The following SYBU variants were observed in gnomAD, a reference collection of about 807,000 sequenced individuals.
SYBU encodes the protein GOLSYN A protein.
SYBU carries 21 observed loss-of-function variants against 35.9 expected under a neutral mutation model. The ratio of observed to expected loss-of-function variants is 0.58; its 90% CI spans 0.41 to 0.84. SYBU has a LOEUF of 0.84. SYBU is among the 40% of genes least tolerant of loss of function. The pLI is 0.00. For missense variants in SYBU, 768 were observed against 848.2 expected, an observed-to-expected ratio of 0.91 and a Z score of 1.17; for synonymous variants, 319 against 324.3, an observed-to-expected ratio of 0.98 and a Z score of 0.18.
rs558733192 is a variant in SYBU, at chr8:109,617,168, A to T, written c.427+1674T>A. Among the ~76,000 whole-genome samples the T allele has an allele frequency of 3.9e-5, 6 of 152,334 alleles. No homozygotes were observed. In the South Asian group the frequency reaches 1.2e-3, roughly 32 times the overall value. On this transcript the variant is annotated intron_variant, in intron 3 of 6. Coordinates refer to ENST00000276646, the MANE Select transcript of SYBU (RefSeq NM_001099754.2). ...AATACAATAAAATAAAAACGTATGA[A>T]GTACTGATGTACACCACATGGGTGA...
chr8:109,602,429 A>ATTTTTTTTT (rs751669435), intron 3 of SYBU, among the ~76,000 whole-genome samples: 1 of 132,664 alleles, frequency 7.5e-6, no homozygotes, highest in African/African-American at 2.9e-5. Context: ...CCTCTGTGTA[A>ATTTTTTTTT]TTTTTTTTTT....
chr8:109,684,909 T>C (rs1817485214), upstream of SYBU, among the ~76,000 whole-genome samples: 1 of 152,150 alleles, frequency 6.6e-6, no homozygotes, highest in Non-Finnish European at 1.5e-5. Context: ...CTACTGTTAA[T>C]TAGAAAAGCA....
intron 4 of SYBU, chr8:109,580,355 A>T (rs191312581): frequency 9.4e-6 from 2 of 212,948 alleles, no homozygotes; most frequent in African/African-American, 4.6e-5. Flanking sequence ...TTTTCAAGAT[A>T]TGGTTTTTGT....
intron 3 of SYBU, among the ~76,000 whole-genome samples, chr8:109,606,296 T>C (rs1281084985): frequency 1.3e-5 from 2 of 152,240 alleles, no homozygotes; most frequent in African/African-American, 4.8e-5. Context: ...ATAACGTTTA[T>C]AGTAATCACA....
chr8:109,598,075 G>A (rs1336187102), intron 3 of SYBU, among the ~76,000 whole-genome samples: 2 of 152,174 alleles, frequency 1.3e-5, no homozygotes, highest in African/African-American at 4.8e-5. Flanking sequence ...GTGAGACCCA[G>A]TAATATATGT....
chr8:109,623,501 T>C (rs1346194320), intron 2 of SYBU, among the ~76,000 whole-genome samples: 1 of 152,150 alleles, frequency 6.6e-6, no homozygotes, highest in African/African-American at 2.4e-5. Context: ...ATGGAATAGT[T>C]TCCAGATTGT....
intron 1 of SYBU, among the ~76,000 whole-genome samples, chr8:109,651,129 C>T (rs1563765679): frequency 6.6e-6 from 1 of 152,184 alleles, no homozygotes; most frequent in Non-Finnish European, 1.5e-5. Context: ...CTGCTGGAAG[C>T]CTAGAAGTTT....
upstream of SYBU, among the ~76,000 whole-genome samples, chr8:109,684,030 C>A (rs1322949777): frequency 6.6e-6 from 1 of 152,198 alleles, no homozygotes; most frequent in Non-Finnish European, 1.5e-5. Context: ...ATTACCCAGT[C>A]TCAGATATGT....
intron 1 of SYBU, among the ~76,000 whole-genome samples, chr8:109,650,181 A>C (rs1286625199): frequency 6.6e-6 from 1 of 152,144 alleles, no homozygotes; most frequent in Non-Finnish European, 1.5e-5. Flanking sequence ...TTCACTCAGC[A>C]TCCATAGCAG....
chr8:109,575,937 C>G lies in SYBU; in HGVS notation c.961G>C (p.Val321Leu). The G allele has an allele frequency of 6.2e-7, 1 of 1,613,268 alleles. No individual in the cohort carries two copies. Among genetic ancestry groups the G allele is most frequent in the Non-Finnish European group, 8.5e-7 (1 of 1,179,978 alleles). The stretch of plus-strand genomic sequence containing the variant: ...TCTTTGAGTGCCAACTGGGCCTCTA[C>G]CCGGTGACACTCCTCCTCAATCCAG... ...EDWIEEECHR[V>L]EAQLALKEAR... is the part of the protein sequence containing the mutation. The change falls in exon 7 of 7, where the codon GTA becomes CTA. Residue 321 changes from valine (V) to leucine (L), a missense_variant. By Grantham distance (32) the Val-to-Leu change is conservative. Coordinates refer to ENST00000276646, the MANE Select transcript of SYBU (RefSeq NM_001099754.2).
intron 2 of SYBU, among the ~76,000 whole-genome samples, chr8:109,629,604 T>C (rs948672207): frequency 3.3e-5 from 5 of 152,188 alleles, no homozygotes; most frequent in African/African-American, 1.2e-4. Flanking sequence ...GCAATAAACA[T>C]ACGTGTGCAT....
At chr8:109,643,948 A>C (rs1304410804) in intron 1 of SYBU, among the ~76,000 whole-genome samples, 1 of 152,020 alleles carries the variant, frequency 6.6e-6, no homozygotes, top group Non-Finnish European at 1.5e-5. Context: ...GTTTTGCAAA[A>C]ATTCCACTGC....
Position 109,575,332 on chromosome 8 carries a change from A to T in SYBU, c.1566T>A (p.Asp522Glu). ...TCTCCATCGAGTCTGGTTCAGACTC[A>T]TCAGGGGACGCCAAGCTCGAGGGAC... ...DPCPSSLASP[D>E]ESEPDSMESF... Residue 522 changes from aspartate to glutamate, a missense_variant, in exon 7 of 7, where the codon GAT becomes GAA. Physicochemically the swap from Asp to Glu is conservative, Grantham distance 45. Transcript: ENST00000276646. The T allele has an allele frequency of 6.2e-7, 1 of 1,614,228 alleles. No homozygotes were observed. Among genetic ancestry groups the T allele is most frequent in the Non-Finnish European group, 8.5e-7 (1 of 1,180,032 alleles).
At chr8:109,666,618 G>T (rs1816762632) in intron 1 of SYBU, among the ~76,000 whole-genome samples, 1 of 152,124 alleles carries the variant, frequency 6.6e-6, no homozygotes, top group South Asian at 2.1e-4. Flanking sequence ...ATGCATGCCT[G>T]TAATCCTTGC....
chr8:109,589,731 C>T (rs925231792), intron 3 of SYBU, among the ~76,000 whole-genome samples: 2 of 152,262 alleles, frequency 1.3e-5, no homozygotes, highest in African/African-American at 2.4e-5. Context: ...AAAAAGAATA[C>T]GTGCCCAAAC....
chr8:109,627,555 G>T (rs976455808), intron 2 of SYBU, among the ~76,000 whole-genome samples: 2 of 152,164 alleles, frequency 1.3e-5, no homozygotes, highest in Non-Finnish European at 2.9e-5. Flanking sequence ...GCTCAGAGAG[G>T]TTAAAAATTT....
At chr8:109,650,096 G>A (rs372203933) in intron 1 of SYBU, among the ~76,000 whole-genome samples, 1 of 152,098 alleles carries the variant, frequency 6.6e-6, no homozygotes. Flanking sequence ...AACCCAGGAG[G>A]GCAGCTATAG....
chr8:109,678,850 A>G (rs1817299395), intron 1 of SYBU, among the ~76,000 whole-genome samples: 1 of 152,192 alleles, frequency 6.6e-6, no homozygotes, highest in South Asian at 2.1e-4. Context: ...TGATGCATGG[A>G]GCCCACCATG....
At chr8:109,647,447 TC>T (rs1484539760), upstream of SYBU, 2 of 152,190 alleles carry the variant, frequency 1.3e-5, no homozygotes, top group African/African-American at 4.8e-5. Context: ...CCAGGAAACC[TC>T]CCCTGATGAT....
Sources: gnomAD v4.1 joint callset for allele counts (sites outside exome capture counted in the v4.1 genomes callset) on GRCh38, gnomAD v4.1.1 for gene constraint, MANE v1.5 for transcripts, NCBI Gene and HGNC (gene_info 2026-07-23, HGNC 2026-07-21) for gene names.